The following RANBP2 variants were observed in gnomAD, a reference collection of about 807,000 sequenced individuals.
The protein encoded by RANBP2 is E3 SUMO-protein ligase RanBP2.
A neutral mutation model predicts 303.6 loss-of-function variants in RANBP2; 57 were observed. That is an observed-to-expected ratio of 0.19 (90% confidence interval 0.15 to 0.23). The LOEUF (loss-of-function observed/expected upper bound fraction) is 0.23. Ranked by LOEUF, RANBP2 falls within the 10% of genes least tolerant of loss-of-function variation. RANBP2 has a pLI of 1.00. For missense variants in RANBP2, 3,138 were observed against 3,780.8 expected, an observed-to-expected ratio of 0.83 and a Z score of 4.46; for synonymous variants, 1,167 against 1,301.5, an observed-to-expected ratio of 0.90 and a Z score of 2.23.
the RANBP2 span, among the ~76,000 whole-genome samples, chr2:109,256,999 C>G: frequency 6.6e-6 from 1 of 152,218 alleles, no homozygotes; most frequent in Non-Finnish European, 1.5e-5. Context: ...CTCAGACAGC[C>G]TGTGACCAGG....
the RANBP2 span, among the ~76,000 whole-genome samples, chr2:109,441,108 A>G: frequency 6.8e-6 from 1 of 146,102 alleles, no homozygotes; most frequent in African/African-American, 2.6e-5. Flanking sequence ...CCCAGAACAA[A>G]GCTTAAGAAT....
At chr2:109,570,214 G>A in the RANBP2 span, among the ~76,000 whole-genome samples, 4 of 152,182 alleles carry the variant, frequency 2.6e-5, no homozygotes, top group Admixed American at 1.3e-4. Flanking sequence ...CTCATCAACT[G>A]AATAAGGCAG....
At chr2:108,946,795 A>G in the RANBP2 span, among the ~76,000 whole-genome samples, 12 of 152,098 alleles carry the variant, frequency 7.9e-5, no homozygotes, top group Admixed American at 3.9e-4. Flanking sequence ...ACCTCCCACC[A>G]TGTTTCTCCC....
chr2:109,566,466 CAAAGAT>C, the RANBP2 span, among the ~76,000 whole-genome samples: 1 of 151,858 alleles, frequency 6.6e-6, no homozygotes, highest in Non-Finnish European at 1.5e-5. Context: ...CTCTAAAAGA[CAAAGAT>C]AATGTTGAGG....
At chr2:109,446,515 G>C in the RANBP2 span, among the ~76,000 whole-genome samples, 1 of 152,206 alleles carries the variant, frequency 6.6e-6, no homozygotes, top group African/African-American at 2.4e-5. Flanking sequence ...GAGCAGGGGA[G>C]GCTGAGGCTG....
chr2:108,910,280 C>T, the RANBP2 span, among the ~76,000 whole-genome samples: 1 of 152,234 alleles, frequency 6.6e-6, no homozygotes, highest in East Asian at 1.9e-4. Context: ...TTTCCACAGG[C>T]TCCTCACACC....
the RANBP2 span, among the ~76,000 whole-genome samples, chr2:109,715,244 G>A: frequency 3.3e-5 from 5 of 152,218 alleles, no homozygotes; most frequent in South Asian, 4.2e-4. Context: ...TGGGATAACA[G>A]GCATGAGCCA....
chr2:109,490,229 T>C, the RANBP2 span, among the ~76,000 whole-genome samples: 1 of 152,192 alleles, frequency 6.6e-6, no homozygotes, highest in African/African-American at 2.4e-5. Flanking sequence ...ATAGAAATAA[T>C]GTCAGTCTTC....
chr2:109,675,770 T>C, the RANBP2 span, among the ~76,000 whole-genome samples: 1 of 152,168 alleles, frequency 6.6e-6, no homozygotes, highest in Non-Finnish European at 1.5e-5. Context: ...TCCTTTGCCT[T>C]TCTCGTCCTG....
chr2:108,842,453 G>T, the RANBP2 span, among the ~76,000 whole-genome samples: 4 of 152,162 alleles, frequency 2.6e-5, no homozygotes, highest in Non-Finnish European at 4.4e-5. Context: ...GAGAGAAAGG[G>T]ACCTGTGGGC....
the RANBP2 span, chr2:108,798,424 A>G: frequency 8.1e-6 from 13 of 1,602,036 alleles, no homozygotes; most frequent in Non-Finnish European, 2.6e-6. Context: ...GCATTTTGAT[A>G]CAGTGTGAAA....
the RANBP2 span, among the ~76,000 whole-genome samples, chr2:109,422,984 G>A: frequency 1.3e-5 from 2 of 152,192 alleles, no homozygotes; most frequent in African/African-American, 2.4e-5. Context: ...CCACGTACCT[G>A]CAATCTGAGA....
the RANBP2 span, among the ~76,000 whole-genome samples, chr2:109,455,687 C>G: frequency 2.0e-5 from 3 of 152,314 alleles, no homozygotes; most frequent in South Asian, 6.2e-4. Context: ...AATGTATTTC[C>G]TCTCGAGTGG....
chr2:109,270,025 G>T, the RANBP2 span, among the ~76,000 whole-genome samples: 33 of 152,306 alleles, frequency 2.2e-4, no homozygotes, highest in South Asian at 6.4e-3. Flanking sequence ...AATAGATTGC[G>T]ATTGAAGCCA....
chr2:108,914,852 C>A, the RANBP2 span, among the ~76,000 whole-genome samples: 2 of 152,208 alleles, frequency 1.3e-5, no homozygotes, highest in African/African-American at 2.4e-5. Flanking sequence ...AATGGCCCAG[C>A]ACTGTGCCTG....
At chr2:109,530,378 A>C in the RANBP2 span, among the ~76,000 whole-genome samples, 1 of 152,152 alleles carries the variant, frequency 6.6e-6, no homozygotes, top group South Asian at 2.1e-4. Context: ...CCTCCACTCT[A>C]CGGAGTCCAA....
At chr2:108,861,663 TAG>T in the RANBP2 span, among the ~76,000 whole-genome samples, 1 of 152,020 alleles carries the variant, frequency 6.6e-6, no homozygotes, top group Non-Finnish European at 1.5e-5. Flanking sequence ...GCATTTTTAG[TAG>T]AGACAGGGTT....
At chr2:109,320,058 C>T in the RANBP2 span, among the ~76,000 whole-genome samples, 2 of 152,152 alleles carry the variant, frequency 1.3e-5, no homozygotes, top group African/African-American at 4.8e-5. Flanking sequence ...GCTACTTCCT[C>T]GAAGCTGGGG....
At chr2:109,431,481 G>C in the RANBP2 span, among the ~76,000 whole-genome samples, 5 of 152,242 alleles carry the variant, frequency 3.3e-5, no homozygotes, top group Non-Finnish European at 5.9e-5. Context: ...TATAGGTATA[G>C]TTAAGTATTT....
Sources: allele counts gnomAD v4.1 joint callset (sites outside exome capture counted in the v4.1 genomes callset), GRCh38; gene constraint gnomAD v4.1.1; transcripts MANE v1.5; gene names NCBI Gene and HGNC (gene_info 2026-07-23, HGNC 2026-07-21).